The following EXOC4 variants were observed in gnomAD, a reference collection of about 807,000 sequenced individuals.
The protein encoded by EXOC4 is exocyst complex component 4, also known as SEC8-like 1.
A neutral mutation model predicts 107.2 loss-of-function variants in EXOC4; 71 were observed. That is an observed-to-expected ratio of 0.66 (90% confidence interval 0.55 to 0.81). The LOEUF is 0.81. Ranked by LOEUF, EXOC4 falls within the 30% of genes least tolerant of loss-of-function variation. The pLI, the probability that EXOC4 is intolerant of heterozygous loss-of-function variation, is 0.00. For missense variants in EXOC4, 1,108 were observed against 1,189.6 expected, an observed-to-expected ratio of 0.93 and a Z score of 1.01; for synonymous variants, 456 against 441.2, an observed-to-expected ratio of 1.03 and a Z score of -0.42.
At chr7:134,037,228 A>T (rs1029224894) in intron 17 of EXOC4, among the ~76,000 whole-genome samples, 3 of 152,168 alleles carry the variant, frequency 2.0e-5, no homozygotes, top group Non-Finnish European at 2.9e-5. Flanking sequence ...AAGTTTTCTC[A>T]ATCAAAGACT....
intron 13 of EXOC4, among the ~76,000 whole-genome samples, chr7:133,919,966 T>C (rs1799902001): frequency 6.6e-6 from 1 of 152,218 alleles, no homozygotes; most frequent in Non-Finnish European, 1.5e-5. Flanking sequence ...ACTGCCAAAA[T>C]GTATTCCAAA....
intron 9 of EXOC4, among the ~76,000 whole-genome samples, chr7:133,531,651 T>A (rs977562056): frequency 3.9e-5 from 6 of 152,180 alleles, no homozygotes; most frequent in Admixed American, 2.6e-4. Flanking sequence ...AGAAAAGTTC[T>A]TCTTATGTGA....
intron 6 of EXOC4, among the ~76,000 whole-genome samples, chr7:133,364,184 G>C (rs1303981543): frequency 1.3e-5 from 2 of 151,854 alleles, no homozygotes; most frequent in Non-Finnish European, 2.9e-5. Flanking sequence ...GGAATGTAGA[G>C]GCCCAATCAT....
At chr7:134,055,383 G>T (rs1795896779) in intron 17 of EXOC4, among the ~76,000 whole-genome samples, 1 of 152,182 alleles carries the variant, frequency 6.6e-6, no homozygotes, top group African/African-American at 2.4e-5. Context: ...ATCATTGTGA[G>T]GTAGCTGGCT....
intron 17 of EXOC4, among the ~76,000 whole-genome samples, chr7:134,061,740 G>A (rs960910987): frequency 7.9e-5 from 12 of 152,112 alleles, no homozygotes; most frequent in African/African-American, 2.9e-4. Flanking sequence ...ACAGGAAACA[G>A]AATTAGATGA....
intron 10 of EXOC4, among the ~76,000 whole-genome samples, chr7:133,728,247 T>G (rs762018630): frequency 2.6e-5 from 4 of 152,238 alleles, no homozygotes; most frequent in Non-Finnish European, 5.9e-5. Context: ...CTTAAAGGCT[T>G]TGTGAAACTT....
At chr7:133,624,649 G>C (rs1243494184) in intron 9 of EXOC4, among the ~76,000 whole-genome samples, 1 of 152,092 alleles carries the variant, frequency 6.6e-6, no homozygotes, top group Non-Finnish European at 1.5e-5. Flanking sequence ...TTGGAATGCA[G>C]TGGCATGATC....
chr7:134,034,433 G>A (rs1795341407), intron 17 of EXOC4, among the ~76,000 whole-genome samples: 1 of 152,214 alleles, frequency 6.6e-6, no homozygotes, highest in Admixed American at 6.5e-5. Context: ...ATCTTGAATT[G>A]TAATCCCCAT....
At chr7:133,459,859 A>T (rs922875649) in intron 7 of EXOC4, among the ~76,000 whole-genome samples, 2 of 152,228 alleles carry the variant, frequency 1.3e-5, no homozygotes, top group Non-Finnish European at 2.9e-5. Context: ...TTGTGCTATT[A>T]AAGTATACTT....
At chr7:133,328,267 T>C (rs960090787) in intron 5 of EXOC4, among the ~76,000 whole-genome samples, 2 of 151,752 alleles carry the variant, frequency 1.3e-5, no homozygotes, top group African/African-American at 4.8e-5. Flanking sequence ...TTTTTTTTGC[T>C]TTCCATTTGC....
chr7:133,673,337 C>T (rs1354613488), intron 10 of EXOC4, among the ~76,000 whole-genome samples: 1 of 152,160 alleles, frequency 6.6e-6, no homozygotes, highest in African/African-American at 2.4e-5. Context: ...GTAGATTTTA[C>T]CCCAAATCTC....
the EXOC4 span, among the ~76,000 whole-genome samples, chr7:134,072,410 C>T: frequency 2.6e-5 from 4 of 152,032 alleles, no homozygotes; most frequent in East Asian, 7.7e-4. Context: ...ATGGTGTTTT[C>T]GAGGCAGGGT....
intron 10 of EXOC4, among the ~76,000 whole-genome samples, chr7:133,776,783 A>G (rs1199093717): frequency 6.6e-6 from 1 of 152,166 alleles, no homozygotes; most frequent in African/African-American, 2.4e-5. Flanking sequence ...CTTCAAATGG[A>G]TGATCTTAAC....
At chr7:133,480,017 C>A in intron 8 of EXOC4, 33 bp from the exon 9 acceptor site, 1 of 1,580,870 alleles carries the variant, frequency 6.3e-7, no homozygotes, top group Non-Finnish European at 8.7e-7. Context: ...TGGTTTACAC[C>A]TGCTTGTCTG....
intron 9 of EXOC4, chr7:133,576,500 A>C: frequency 7.8e-7 from 1 of 1,286,340 alleles, no homozygotes; most frequent in Non-Finnish European, 1.0e-6. Flanking sequence ...TGATTTATTT[A>C]AAACGTTTTC....
intron 8 of EXOC4, among the ~76,000 whole-genome samples, chr7:133,476,177 A>G (rs1256491499): frequency 1.3e-5 from 2 of 152,328 alleles, no homozygotes; most frequent in East Asian, 3.9e-4. Context: ...TTGAGTTCTT[A>G]CTAAGTGCTA....
intron 14 of EXOC4, among the ~76,000 whole-genome samples, chr7:133,968,682 G>A (rs1801129488): frequency 6.6e-6 from 1 of 151,930 alleles, no homozygotes; most frequent in African/African-American, 2.4e-5. Flanking sequence ...ACTCTCTTCT[G>A]GCTTGTTGGG....
intron 7 of EXOC4, among the ~76,000 whole-genome samples, chr7:133,429,043 A>C (rs1212962465): frequency 6.6e-6 from 1 of 152,148 alleles, no homozygotes; most frequent in Non-Finnish European, 1.5e-5. Flanking sequence ...GGAAAGTATT[A>C]AGCAAGAGAG....
intron 10 of EXOC4, among the ~76,000 whole-genome samples, chr7:133,742,116 C>T (rs1795578072): frequency 6.6e-6 from 1 of 152,132 alleles, no homozygotes; most frequent in Non-Finnish European, 1.5e-5. Context: ...GTGTTGAATA[C>T]CAGTCATTAG....
Sources: allele counts gnomAD v4.1 joint callset (sites outside exome capture counted in the v4.1 genomes callset), GRCh38; gene constraint gnomAD v4.1.1; transcripts MANE v1.5; gene names NCBI Gene and HGNC (gene_info 2026-07-23, HGNC 2026-07-21).